Variants in PAIP2B observed in about 807,000 individuals in gnomAD.
PAIP2B encodes the protein poly(A) binding protein interacting protein 2B.
A neutral mutation model predicts 17.0 loss-of-function variants in PAIP2B; 13 were observed. The observed-to-expected ratio is 0.76, with a 90% confidence interval of 0.50 to 1.22. The LOEUF is 1.22. Among genes scored for constraint, PAIP2B ranks in the 50% most tolerant of loss-of-function variants. PAIP2B has a pLI of 0.00. For missense variants in PAIP2B, 117 were observed against 144.5 expected, an observed-to-expected ratio of 0.81 and a Z score of 0.98; for synonymous variants, 43 against 48.7, an observed-to-expected ratio of 0.88 and a Z score of 0.48.
Position 71,218,358 on chromosome 2 carries a change from A to G in PAIP2B, c.-12+8570T>C, listed in dbSNP as rs536103157. 8.7e-3 allele frequency among the ~76,000 whole-genome samples: 1,323 copies of G among 152,116 alleles called. 16 individuals carry two copies. The highest frequency in any genetic ancestry group is 0.03 in the African/African-American group (1,238 of 41,558). On this transcript the variant is annotated intron_variant, in intron 1 of 3. Coordinates refer to ENST00000244221, the MANE Select transcript of PAIP2B (RefSeq NM_020459.1). ...ATTTTATAAAATTACTCAGAAAAAA[A>G]CAAATAATGGAGAAATAAGGCACTT... is the stretch of plus-strand genomic sequence containing the variant.
In PAIP2B at chr2:71,225,447, A is replaced by AACATGATGTTAAACT. The variant is rs1417600373; in HGVS notation, c.-12+1480_-12+1481insAGTTTAACATCATGT. Among the ~76,000 whole-genome samples, 28 of 152,360 alleles carry AACATGATGTTAAACT rather than the reference A, an allele frequency of 1.8e-4. No individual in the cohort carries two copies. In the East Asian group the frequency reaches 5.4e-3, roughly 29 times the overall value. On this transcript the variant is annotated intron_variant, in intron 1 of 3. Coordinates refer to ENST00000244221, the MANE Select transcript of PAIP2B (RefSeq NM_020459.1). The stretch of plus-strand genomic sequence containing the variant: ...GAACATGATGTTAAACTCATAGCTT[A>AACATGATGTTAAACT]CATTTCTCCACTGAAAGCTAGGAAA...
At chr2:71,207,800 T>C (rs1675174675) in intron 1 of PAIP2B, among the ~76,000 whole-genome samples, 1 of 152,160 alleles carries the variant, frequency 6.6e-6, no homozygotes, top group Admixed American at 6.5e-5. Flanking sequence ...GGTGGATTGG[T>C]AATGTCATTC....
chr2:71,207,510 T>C (rs1558778632), intron 1 of PAIP2B, among the ~76,000 whole-genome samples: 1 of 152,036 alleles, frequency 6.6e-6, no homozygotes, highest in Admixed American at 6.6e-5. Flanking sequence ...GTTCTGAAAC[T>C]CCTTATAATG....
At chr2:71,210,323 T>A (rs893599343) in intron 1 of PAIP2B, among the ~76,000 whole-genome samples, 3 of 152,162 alleles carry the variant, frequency 2.0e-5, no homozygotes, top group African/African-American at 2.4e-5. Context: ...TATATGAAAA[T>A]TTTTTAAAAG....
intron 3 of PAIP2B, 92 bp downstream of exon 3, chr2:71,189,753 G>C: frequency 1.6e-6 from 2 of 1,265,508 alleles, no homozygotes; most frequent in Non-Finnish European, 2.1e-6. Context: ...CTCCAGACTT[G>C]TTGAGGGTTG....
intron 1 of PAIP2B, among the ~76,000 whole-genome samples, chr2:71,225,519 T>C (rs571982694): frequency 6.6e-6 from 1 of 152,312 alleles, no homozygotes; most frequent in East Asian, 1.9e-4. Flanking sequence ...ACTGTGAGAA[T>C]TTACAAGATT....
chr2:71,217,064 T>C (rs1426281950), intron 1 of PAIP2B, among the ~76,000 whole-genome samples: 1 of 152,230 alleles, frequency 6.6e-6, no homozygotes, highest in East Asian at 1.9e-4. Flanking sequence ...AGGAGTTCTA[T>C]AATAAAATAC....
intron 2 of PAIP2B, among the ~76,000 whole-genome samples, chr2:71,195,510 T>C (rs1674793809): frequency 6.6e-6 from 1 of 152,192 alleles, no homozygotes; most frequent in South Asian, 2.1e-4. Context: ...ATGTGTGTAG[T>C]GCTTGTAGTA....
chr2:71,200,158 T>A (rs367768429), intron 2 of PAIP2B, among the ~76,000 whole-genome samples: 3 of 152,176 alleles, frequency 2.0e-5, no homozygotes, highest in African/African-American at 7.2e-5. Context: ...TCAGAAGACA[T>A]TGTATCAGGG....
rs550172695 is a variant in PAIP2B at position 71,185,846 on chromosome 2, T to G, written c.*2633A>C. The G allele has an allele frequency of 1.3e-5, 2 of 152,320 alleles. No individual in the cohort carries two copies. Among genetic ancestry groups the G allele is most frequent in the East Asian group, 1.9e-4 (1 of 5,190 alleles). 9.4% of individuals were successfully genotyped at this position (152,320 alleles called of 1,614,324 possible). ...GTTTTTTCCCTTGAAAAGAAAGAGA[T>G]AAATTATTTTCATCTTGGAATTTTA... On this transcript the variant is annotated 3_prime_UTR_variant, in exon 4 of 4. Coordinates refer to ENST00000244221, the MANE Select transcript of PAIP2B (RefSeq NM_020459.1).
chr2:71,193,551 G>C (rs1313540081), intron 2 of PAIP2B, among the ~76,000 whole-genome samples: 2 of 152,072 alleles, frequency 1.3e-5, no homozygotes, highest in African/African-American at 4.8e-5. Context: ...TGTCTTCCAG[G>C]GTTTTTATAG....
intron 2 of PAIP2B, among the ~76,000 whole-genome samples, chr2:71,195,249 G>T (rs1223511752): frequency 3.3e-5 from 5 of 152,180 alleles, no homozygotes; most frequent in Non-Finnish European, 7.3e-5. Flanking sequence ...ATGAGTTGGG[G>T]AGAAATCCCT....
intron 1 of PAIP2B, among the ~76,000 whole-genome samples, chr2:71,217,960 T>C (rs1203427342): frequency 1.8e-4 from 28 of 152,208 alleles, no homozygotes; most frequent in Non-Finnish European, 1.5e-5. Flanking sequence ...CCTAGCTACC[T>C]GGGAGGCTGA....
In PAIP2B at chr2:71,186,549, G is replaced by A. The variant is rs1318239720; in HGVS notation, c.*1930C>T. The A allele has an allele frequency of 6.6e-6, 1 of 152,230 alleles. No homozygotes were observed. The highest frequency in any genetic ancestry group is 2.4e-5 in the African/African-American group (1 of 41,460). 9.4% of individuals were successfully genotyped at this position (152,230 alleles called of 1,614,324 possible). A position where few individuals can be genotyped will look rare whatever the true frequency, so the allele number is the denominator to read the frequency against. On this transcript the variant is annotated 3_prime_UTR_variant, in exon 4 of 4. Coordinates refer to ENST00000244221, the MANE Select transcript of PAIP2B (RefSeq NM_020459.1). ...TTTCTAACAGCCTTCGGAATTCTGA[G>A]CTTGGACAGGCTCACGAGGATGAAG...
intron 1 of PAIP2B, among the ~76,000 whole-genome samples, chr2:71,221,306 C>A (rs1446444148): frequency 1.3e-5 from 2 of 152,222 alleles, no homozygotes; most frequent in Non-Finnish European, 2.9e-5. Flanking sequence ...ATCTCTGTGC[C>A]TTTGCACCTG....
intron 1 of PAIP2B, among the ~76,000 whole-genome samples, chr2:71,222,186 G>C (rs1289214599): frequency 6.6e-6 from 1 of 152,304 alleles, no homozygotes; most frequent in Non-Finnish European, 1.5e-5. Context: ...CCCACAGGCA[G>C]GAACCAACTC....
At chr2:71,221,516 A>G (rs1207539169) in intron 1 of PAIP2B, among the ~76,000 whole-genome samples, 1 of 152,248 alleles carries the variant, frequency 6.6e-6, no homozygotes, top group Non-Finnish European at 1.5e-5. Context: ...TATGAAAAAC[A>G]GCCATATGAA....
intron 1 of PAIP2B, among the ~76,000 whole-genome samples, chr2:71,202,959 G>A (rs902501164): frequency 1.3e-5 from 2 of 152,032 alleles, no homozygotes; most frequent in Admixed American, 6.5e-5. Context: ...TTGAAACAGT[G>A]AAAATGCATT....
At chr2:71,226,011 T>A (rs1448730795) in intron 1 of PAIP2B, among the ~76,000 whole-genome samples, 1 of 152,230 alleles carries the variant, frequency 6.6e-6, no homozygotes, top group African/African-American at 2.4e-5. Flanking sequence ...GTTTAAAGTA[T>A]AATCCAATTC....
Sources: gnomAD v4.1 joint callset for allele counts (sites outside exome capture counted in the v4.1 genomes callset) on GRCh38, gnomAD v4.1.1 for gene constraint, MANE v1.5 for transcripts, NCBI Gene and HGNC (gene_info 2026-07-23, HGNC 2026-07-21) for gene names.